The following LHFPL3 variants were observed in gnomAD, a reference collection of about 807,000 sequenced individuals.
The protein encoded by LHFPL3 is LHFPL tetraspan subfamily member 3.
LHFPL3 carries 5 observed loss-of-function variants against 19.3 expected under a neutral mutation model. The ratio of observed to expected loss-of-function variants is 0.26; its 90% CI spans 0.14 to 0.54. The LOEUF (loss-of-function observed/expected upper bound fraction) is 0.54. Ranked by LOEUF, LHFPL3 falls within the 20% of genes least tolerant of loss-of-function variation. The pLI, the probability that LHFPL3 is intolerant of heterozygous loss-of-function variation, is 0.94. For missense variants in LHFPL3, 249 were observed against 307.4 expected (o/e 0.81, Z 1.42); for synonymous variants, 133 against 126.2 (o/e 1.05, Z -0.36).
intron 1 of LHFPL3, among the ~76,000 whole-genome samples, chr7:104,454,667 A>G (rs2116607858): frequency 1.3e-5 from 2 of 152,210 alleles, no homozygotes; most frequent in Middle Eastern, 6.8e-3. Context: ...TATTGGGGTA[A>G]ATCAATGAGA....
intron 1 of LHFPL3, among the ~76,000 whole-genome samples, chr7:104,365,757 C>T (rs1215292691): frequency 9.2e-6 from 1 of 108,874 alleles, no homozygotes; most frequent in Non-Finnish European, 1.9e-5. Flanking sequence ...GTCCGCAGTC[C>T]GGCCTGGGCG....
chr7:104,700,054 C>G (rs891843700), intron 1 of LHFPL3, among the ~76,000 whole-genome samples: 5 of 152,160 alleles, frequency 3.3e-5, no homozygotes, highest in African/African-American at 1.2e-4. Context: ...GGTCACTTTA[C>G]CCTTTGTTTC....
At chr7:104,553,898 G>A (rs189408529) in intron 1 of LHFPL3, among the ~76,000 whole-genome samples, 3 of 152,262 alleles carry the variant, frequency 2.0e-5, no homozygotes, top group Non-Finnish European at 4.4e-5. Flanking sequence ...TTGGCTGTGT[G>A]AATGTGAGTT....
chr7:104,868,060 G>C (rs1253650239), intron 2 of LHFPL3, among the ~76,000 whole-genome samples: 1 of 146,648 alleles, frequency 6.8e-6, no homozygotes, highest in East Asian at 2.0e-4. Flanking sequence ...AATAAATTAG[G>C]TATTGATGGG....
chr7:104,710,236 T>C (rs1793275846), intron 1 of LHFPL3, among the ~76,000 whole-genome samples: 1 of 152,236 alleles, frequency 6.6e-6, no homozygotes, highest in African/African-American at 2.4e-5. Flanking sequence ...TTAAAGTTCA[T>C]GGGAACTTTA....
chr7:104,739,316 A>ATTGT (rs1364923766), intron 2 of LHFPL3, among the ~76,000 whole-genome samples: 1 of 152,188 alleles, frequency 6.6e-6, no homozygotes, highest in East Asian at 1.9e-4. Context: ...CCAAAGTCAG[A>ATTGT]TTGTTTGCGG....
At chr7:104,426,052 A>T (rs1791837896) in intron 1 of LHFPL3, among the ~76,000 whole-genome samples, 1 of 152,242 alleles carries the variant, frequency 6.6e-6, no homozygotes, top group Non-Finnish European at 1.5e-5. Flanking sequence ...TCAAACACAC[A>T]CAGTAGTGTA....
At chr7:104,808,806 G>T (rs868764768) in intron 2 of LHFPL3, among the ~76,000 whole-genome samples, 42 of 151,772 alleles carry the variant, frequency 2.8e-4, no homozygotes, top group Admixed American at 1.8e-3. Context: ...TGATTTTAGG[G>T]TAATACCCAA....
chr7:104,615,482 C>T lies in LHFPL3; in HGVS notation c.446-121193C>T, dbSNP rs74301012. Among the ~76,000 whole-genome samples the T allele has an allele frequency of 4.1e-3, 620 of 152,294 alleles. 33 individuals carry two copies. In the East Asian group the frequency reaches 0.1, roughly 24 times the overall value. On this transcript the variant is annotated intron_variant, in intron 1 of 2. Transcript: ENST00000424859. ...TTAATTATTTGCAGAAGCTGAAACA[C>T]AAGCACCTCAATATGGATAGTTCTC...
intron 2 of LHFPL3, among the ~76,000 whole-genome samples, chr7:104,816,844 C>G (rs1338853058): frequency 6.6e-6 from 1 of 152,214 alleles, no homozygotes; most frequent in African/African-American, 2.4e-5. Flanking sequence ...GCTGCTTTAA[C>G]TCCATTGTAT....
At chr7:104,710,891 C>G (rs2116213153) in intron 1 of LHFPL3, among the ~76,000 whole-genome samples, 1 of 152,280 alleles carries the variant, frequency 6.6e-6, no homozygotes, top group Middle Eastern at 3.4e-3. Context: ...AACTATTAAT[C>G]TCACTGGGGA....
At chr7:104,444,635 C>G (rs759196012) in intron 1 of LHFPL3, among the ~76,000 whole-genome samples, 4 of 152,164 alleles carry the variant, frequency 2.6e-5, no homozygotes, top group South Asian at 4.1e-4. Flanking sequence ...CTGGCAGAAT[C>G]TAACTATAAG....
At chr7:104,483,492 G>A (rs971619451) in intron 1 of LHFPL3, among the ~76,000 whole-genome samples, 3 of 152,150 alleles carry the variant, frequency 2.0e-5, no homozygotes, top group African/African-American at 7.2e-5. Context: ...AAGAAATAAA[G>A]GTATCTCATG....
intron 1 of LHFPL3, among the ~76,000 whole-genome samples, chr7:104,465,213 A>C (rs1483482537): frequency 6.6e-6 from 1 of 151,802 alleles, no homozygotes; most frequent in Non-Finnish European, 1.5e-5. Context: ...ATTGGACTTC[A>C]TTGTCCATAT....
intron 1 of LHFPL3, among the ~76,000 whole-genome samples, chr7:104,703,009 GA>G (rs1371381397): frequency 2.6e-5 from 4 of 152,224 alleles, no homozygotes; most frequent in African/African-American, 9.6e-5. Context: ...AACTTAATTT[GA>G]ATATCCAAAG....
intron 1 of LHFPL3, among the ~76,000 whole-genome samples, chr7:104,359,447 T>G (rs1790348921): frequency 1.3e-5 from 2 of 152,202 alleles, no homozygotes; most frequent in African/African-American, 4.8e-5. Context: ...TAAAATTAAT[T>G]TTTTGAAGTG....
rs1189937261 is a variant in LHFPL3 at position 104,503,553 on chromosome 7, TTTTTA to T, written c.445+174335_445+174339del. Among the ~76,000 whole-genome samples the T allele has an allele frequency of 1.4e-4, 21 of 152,066 alleles. 1 individual carries two copies. Among genetic ancestry groups the T allele is most frequent in the African/African-American group, 4.8e-4 (20 of 41,404 alleles). On this transcript the variant is annotated intron_variant, in intron 1 of 2. Transcript: ENST00000424859. The stretch of plus-strand genomic sequence containing the variant: ...TTGGATCATTTCCATGTTTAAGAGT[TTTTTA>T]TTTTAATTTTAATATTTTCTTTTTC...
chr7:104,464,315 G>T (rs976282792), intron 1 of LHFPL3, among the ~76,000 whole-genome samples: 3 of 152,324 alleles, frequency 2.0e-5, no homozygotes, highest in Middle Eastern at 3.4e-3. Flanking sequence ...CAGGTTTTGA[G>T]TGTCTGTGGC....
chr7:104,819,561 A>G (rs1192649112), intron 2 of LHFPL3, among the ~76,000 whole-genome samples: 1 of 152,170 alleles, frequency 6.6e-6, no homozygotes, highest in African/African-American at 2.4e-5. Context: ...TTAAAAAACA[A>G]AAACAAAAAC....
Sources: gnomAD v4.1 joint callset for allele counts (sites outside exome capture counted in the v4.1 genomes callset) on GRCh38, gnomAD v4.1.1 for gene constraint, MANE v1.5 for transcripts, NCBI Gene and HGNC (gene_info 2026-07-23, HGNC 2026-07-21) for gene names.